Variants in CUX1 observed in about 807,000 individuals in gnomAD.
CUX1 encodes cut like homeobox 1, also known as protein CASP.
CUX1 carries 31 observed loss-of-function variants against 158.8 expected under a neutral mutation model. The observed-to-expected ratio is 0.20, with a 90% CI of 0.15 to 0.26. The LOEUF is 0.26. Among genes scored for constraint, CUX1 ranks in the 10% least tolerant of loss-of-function variants. The pLI is 1.00. For missense variants in CUX1, 1,589 were observed against 2,014.6 expected (o/e 0.79, Z 4.04); for synonymous variants, 879 against 862.1 (o/e 1.02, Z -0.34).
chr7:102,174,563 G>C (rs1329810966), intron 10 of CUX1, among the ~76,000 whole-genome samples: 4 of 152,158 alleles, frequency 2.6e-5, no homozygotes, highest in African/African-American at 9.7e-5. Context: ...GCCCCTCTCT[G>C]TTTCTTTCTT....
At chr7:102,126,459 A>T (rs1280437688) in intron 8 of CUX1, among the ~76,000 whole-genome samples, 1 of 152,184 alleles carries the variant, frequency 6.6e-6, no homozygotes. Flanking sequence ...AAAGATGATC[A>T]TTGTTAACAT....
chr7:102,211,778 T>TAAAAAAAAAAAAAAAAAAAAAAACAAAA, intron 20 of CUX1, among the ~76,000 whole-genome samples: 1 of 77,474 alleles, frequency 1.3e-5, no homozygotes, highest in Non-Finnish European at 2.5e-5. Flanking sequence ...AAACTCCATC[T>TAAAAAAAAAAAAAAAAAAAAAAACAAAA]AAAAAAAAAA....
chr7:101,858,479 C>G (rs1797115108), intron 1 of CUX1, among the ~76,000 whole-genome samples: 1 of 152,086 alleles, frequency 6.6e-6, no homozygotes, highest in Non-Finnish European at 1.5e-5. Context: ...CACATGATCC[C>G]CTACTTATAA....
rs1445719349 is a variant in CUX1 at position 102,043,665 on chromosome 7, ATTGTAAATAGT to A, written c.189+15521_189+15531del. Among the ~76,000 whole-genome samples the A allele has an allele frequency of 2.0e-5, 3 of 152,070 alleles. No individual in the cohort carries two copies. In the East Asian group the frequency reaches 5.8e-4, roughly 29 times the overall value. On this transcript the variant is annotated intron_variant, in intron 3 of 23. Transcript: ENST00000292535. The stretch of plus-strand genomic sequence containing the variant: ...GCTTAGTCTGTTTCCATATCTTTCT[ATTGTAAATAGT>A]GCCGCAGTATACATGAGTGTGCAGA...
chr7:102,275,592 A>G (rs1293649159), intron 17 of CUX1, among the ~76,000 whole-genome samples: 5 of 152,184 alleles, frequency 3.3e-5, no homozygotes, highest in African/African-American at 1.2e-4. Context: ...AGAAGGGAGC[A>G]TAGATCATTC....
upstream of CUX1, chr7:101,817,569 T>A: frequency 6.8e-7 from 1 of 1,476,198 alleles, no homozygotes; most frequent in South Asian, 1.3e-5. The surrounding 1 kb of genome is among the most constrained non-coding windows in gnomAD (Gnocchi z 4.1). Context: ...CGGCGCACCC[T>A]TAGGGTCCGC....
chr7:101,987,516 T>A (rs1477724720), intron 2 of CUX1, among the ~76,000 whole-genome samples: 1 of 152,216 alleles, frequency 6.6e-6, no homozygotes, highest in African/African-American at 2.4e-5. Context: ...TCAAAAGACA[T>A]TTGATGAGTT....
chr7:101,898,802 G>A (rs1009105620), intron 1 of CUX1, among the ~76,000 whole-genome samples: 1 of 152,110 alleles, frequency 6.6e-6, no homozygotes, highest in African/African-American at 2.4e-5. Context: ...TGTTGGCCAG[G>A]CCAGTCTCGA....
chr7:102,171,994 G>A (rs1554510567), intron 10 of CUX1, among the ~76,000 whole-genome samples: 1 of 152,224 alleles, frequency 6.6e-6, no homozygotes, highest in Non-Finnish European at 1.5e-5. Flanking sequence ...GAGGCTGGTT[G>A]CAGAGAGTAC....
chr7:102,243,351 C>T (rs184674322), intron 23 of CUX1, among the ~76,000 whole-genome samples: 4 of 152,168 alleles, frequency 2.6e-5, no homozygotes, highest in South Asian at 2.1e-4. Flanking sequence ...AACTCCACAA[C>T]AAAGCAGGCT....
intron 2 of CUX1, among the ~76,000 whole-genome samples, chr7:101,983,879 G>C (rs977538058): frequency 1.3e-5 from 2 of 151,580 alleles, no homozygotes; most frequent in African/African-American, 4.9e-5. Flanking sequence ...AAATTTGGAG[G>C]GGACACTAGC....
intron 8 of CUX1, among the ~76,000 whole-genome samples, chr7:102,126,227 C>T (rs201516): frequency 0.54 from 78,377 of 145,062 alleles, 21,130 homozygotes; most frequent in Middle Eastern, 0.66. Context: ...TTTGTAGAGA[C>T]GGGGTTTTAT....
At chr7:102,210,888 G>A (rs438635) in intron 20 of CUX1, among the ~76,000 whole-genome samples, 74,316 of 151,970 alleles carry the variant, frequency 0.49, 19,935 homozygotes, top group East Asian at 0.86. Flanking sequence ...AGCCCCTATC[G>A]CGGACAGGTC....
chr7:102,098,292 T>C (rs1218811851), intron 5 of CUX1, among the ~76,000 whole-genome samples: 1 of 152,248 alleles, frequency 6.6e-6, no homozygotes, highest in Admixed American at 6.5e-5. Context: ...TGGCCTTCCA[T>C]TGACCATTTG....
intron 9 of CUX1, among the ~76,000 whole-genome samples, chr7:102,167,438 G>T (rs1443327583): frequency 6.6e-6 from 1 of 152,204 alleles, no homozygotes; most frequent in East Asian, 1.9e-4. Flanking sequence ...GGGACACCTT[G>T]TAACCAGATG....
chr7:101,820,576 T>C (rs1792351646), intron 1 of CUX1, among the ~76,000 whole-genome samples: 1 of 152,220 alleles, frequency 6.6e-6, no homozygotes, highest in Non-Finnish European at 1.5e-5. Context: ...CTATGAAAAG[T>C]GACTTTTATT....
chr7:102,022,475 G>A (rs764764716), intron 2 of CUX1, among the ~76,000 whole-genome samples: 8 of 152,080 alleles, frequency 5.3e-5, no homozygotes, highest in Non-Finnish European at 7.4e-5. Context: ...AAAATTTGCC[G>A]GACATGGTGG....
rs550221868 is a variant in CUX1, at chr7:101,838,409, C to T, written c.30+20740C>T. 2.6e-4 allele frequency among the ~76,000 whole-genome samples: 39 copies of T among 150,934 alleles called. 1 individual carries two copies. The highest frequency in any genetic ancestry group is 4.3e-4 in the Non-Finnish European group (29 of 67,760). On this transcript the variant is annotated intron_variant, in intron 1 of 23. Transcript: ENST00000292535. Reference sequence around the variant, plus strand: ...CCTCCCAAAGTGCTGGGATTACAGGCGTGAGCCACCTCACCTGGGCTCACT... The same window carrying T: ...CCTCCCAAAGTGCTGGGATTACAGGTGTGAGCCACCTCACCTGGGCTCACT...
chr7:101,878,432 G>T (rs1031448973), intron 1 of CUX1, among the ~76,000 whole-genome samples: 2 of 152,190 alleles, frequency 1.3e-5, no homozygotes, highest in African/African-American at 2.4e-5. Context: ...AGTCATTGCC[G>T]CTAAGGCTGG....
Sources: gnomAD v4.1 joint callset for allele counts (sites outside exome capture counted in the v4.1 genomes callset) on GRCh38, gnomAD v4.1.1 for gene constraint, Gnocchi (gnomAD v3.1) non-coding constraint, MANE v1.5 for transcripts, NCBI Gene and HGNC (gene_info 2026-07-23, HGNC 2026-07-21) for gene names.